Variants in TNFRSF10D observed in about 807,000 individuals in gnomAD.
TNFRSF10D encodes the protein TNF receptor superfamily member 10d.
TNFRSF10D carries 28 observed loss-of-function variants against 42.1 expected under a neutral mutation model. The observed-to-expected ratio is 0.66, with a 90% CI of 0.49 to 0.91. TNFRSF10D has a LOEUF of 0.91. TNFRSF10D is among the 40% of genes least tolerant of loss of function. The pLI is 0.00. For synonymous variants in TNFRSF10D, 186 were observed against 189.4 expected, an observed-to-expected ratio of 0.98 and a Z score of 0.15; for missense variants, 503 against 486.1, an observed-to-expected ratio of 1.03 and a Z score of -0.33.
At chr8:23,154,149 T>C (rs1452650354) in intron 2 of TNFRSF10D, among the ~76,000 whole-genome samples, 1 of 152,172 alleles carries the variant, frequency 6.6e-6, no homozygotes, top group Non-Finnish European at 1.5e-5. Flanking sequence ...ATCTCACATA[T>C]GTGGAATCTT....
intron 1 of TNFRSF10D, among the ~76,000 whole-genome samples, chr8:23,158,458 A>G (rs927197518): frequency 6.6e-6 from 1 of 152,136 alleles, no homozygotes; most frequent in African/African-American, 2.4e-5. Context: ...TCTTCCTTTT[A>G]AGGCCCATCT....
intron 7 of TNFRSF10D, among the ~76,000 whole-genome samples, chr8:23,143,507 G>A (rs918319456): frequency 1.9e-4 from 29 of 152,074 alleles, no homozygotes; most frequent in African/African-American, 6.8e-4. Flanking sequence ...GCAGCGTGGA[G>A]TAATTGTTGA....
At chr8:23,149,546 CTT>C (rs557713767) in intron 2 of TNFRSF10D, among the ~76,000 whole-genome samples, 9 of 143,036 alleles carry the variant, frequency 6.3e-5, no homozygotes, top group African/African-American at 1.3e-4. Context: ...GCCCAGTCTA[CTT>C]TTTTTTTTTT....
intron 6 of TNFRSF10D, 124 bp downstream of exon 6, chr8:23,144,934 C>A (rs756155610): frequency 7.0e-7 from 1 of 1,426,852 alleles, no homozygotes; most frequent in Non-Finnish European, 9.9e-7. Flanking sequence ...CCAGATCCCC[C>A]AGGCCATGTC....
rs117463167 is a variant in TNFRSF10D at position 23,152,194 on chromosome 8, C to A, written c.256+2680G>T. Among the ~76,000 whole-genome samples, 5 of 152,266 alleles carry A rather than the reference C, an allele frequency of 3.3e-5. No homozygotes were observed. In the East Asian group the frequency reaches 5.8e-4, roughly 18 times the overall value. On this transcript the variant is annotated intron_variant, in intron 2 of 8. Transcript: ENST00000312584. ...TAGGGAAAACACAGAGGAAGCAACA[C>A]AACAAAACACAGGAAACACAGAAGT...
In TNFRSF10D at chr8:23,137,872, A is replaced by G. The variant is rs201537177; in HGVS notation, c.1159T>C (p.Ter387ArgextTer48). The G allele has an allele frequency of 2.1e-5, 33 of 1,609,238 alleles. No individual in the cohort carries two copies. The highest frequency in any genetic ancestry group is 2.6e-5 in the Non-Finnish European group (31 of 1,178,648). Residue 387 changes from the stop codon to arginine, a stop_lost, in exon 9 of 9, where the codon TGA becomes CGA. Transcript: ENST00000312584. ...DEAGSATSCL* is the reference protein window; with the variant it reads ...DEAGSATSCLR ...TCTGGTTTCCTGAAGAGATTCTTTC[A>G]CAGGCAGGACGTAGCAGAGCCTGCC...
At chr8:23,151,110 C>T (rs903920373) in intron 2 of TNFRSF10D, among the ~76,000 whole-genome samples, 654 of 151,668 alleles carry the variant, frequency 4.3e-3, no homozygotes, top group African/African-American at 0.014. Flanking sequence ...CAAGACACAT[C>T]TTAAACAAAT....
intron 1 of TNFRSF10D, among the ~76,000 whole-genome samples, chr8:23,157,488 T>C (rs748433827): frequency 6.6e-6 from 1 of 152,196 alleles, no homozygotes; most frequent in Non-Finnish European, 1.5e-5. Flanking sequence ...TTGGTGAAAG[T>C]ATCATGAGCA....
At chr8:23,144,718 C>T (rs1800089439) in intron 6 of TNFRSF10D, 83 bp from the exon 7 acceptor site, 3 of 1,490,976 alleles carry the variant, frequency 2.0e-6, no homozygotes, top group Admixed American at 2.0e-5. Context: ...CCTGCCATCC[C>T]CAACCCCTTC....
At position 23,137,748 on chromosome 8, in the gene TNFRSF10D, C is replaced by G; in HGVS notation, c.*122G>C. The stretch of plus-strand genomic sequence containing the variant: ...GTTCTAGGACCATTGGTAAGCTGCC[C>G]CATATTGGATAGTAGAGTTTGTTGG... On this transcript the variant is annotated 3_prime_UTR_variant, in exon 9 of 9. Transcript: ENST00000312584. 7.6e-7 allele frequency: 1 copy of G among 1,321,082 alleles called. No homozygotes were observed. 81.8% of individuals were successfully genotyped at this position (1,321,082 alleles called of 1,614,324 possible).
chr8:23,149,796 C>A (rs1375751452), intron 2 of TNFRSF10D, among the ~76,000 whole-genome samples: 1 of 152,126 alleles, frequency 6.6e-6, no homozygotes, highest in South Asian at 2.1e-4. Flanking sequence ...AAATCACCAT[C>A]CCCGAGAGGC....
At chr8:23,151,941 A>G (rs759039820) in intron 2 of TNFRSF10D, among the ~76,000 whole-genome samples, 1 of 152,138 alleles carries the variant, frequency 6.6e-6, no homozygotes, top group African/African-American at 2.4e-5. Context: ...AGGAGATTTC[A>G]TCATGGATGT....
intron 2 of TNFRSF10D, among the ~76,000 whole-genome samples, chr8:23,149,388 C>G: frequency 6.6e-6 from 1 of 151,374 alleles, no homozygotes; most frequent in East Asian, 2.0e-4. Flanking sequence ...CAGGCACCCA[C>G]CACCACGCCC....
intron 4 of TNFRSF10D, 38 bp downstream of exon 4, chr8:23,146,923 T>C (rs748600021): frequency 2.6e-6 from 4 of 1,532,370 alleles, no homozygotes; most frequent in Non-Finnish European, 3.6e-6. Context: ...CTTTTCAGGT[T>C]CCTGAAAGCT....
At chr8:23,146,060 CCT>C (rs1199556864) in intron 4 of TNFRSF10D, 139 bp from the exon 5 acceptor site, 30 of 1,144,222 alleles carry the variant, frequency 2.6e-5, no homozygotes, top group Non-Finnish European at 3.7e-5. Flanking sequence ...AGTGGGTCCC[CCT>C]GTGCTCCCTT....
At chr8:23,144,768 A>T in intron 6 of TNFRSF10D, 133 bp from the exon 7 acceptor site, 1 of 1,144,906 alleles carries the variant, frequency 8.7e-7, no homozygotes, top group Non-Finnish European at 1.2e-6. Context: ...CAGCACATCC[A>T]GGACCCCATG....
At chr8:23,156,605 T>C (rs1181065455) in intron 1 of TNFRSF10D, among the ~76,000 whole-genome samples, 1 of 151,486 alleles carries the variant, frequency 6.6e-6, no homozygotes, top group African/African-American at 2.4e-5. Flanking sequence ...CCCTCTGTCA[T>C]CCAGGTTGGA....
intron 1 of TNFRSF10D, among the ~76,000 whole-genome samples, chr8:23,159,408 C>T (rs1213524452): frequency 2.6e-5 from 4 of 152,148 alleles, no homozygotes; most frequent in African/African-American, 7.2e-5. Context: ...GATGAGAAGT[C>T]GAGGCCAAGA....
chr8:23,139,430 A>G (rs2128835299), intron 7 of TNFRSF10D, among the ~76,000 whole-genome samples: 1 of 152,336 alleles, frequency 6.6e-6, no homozygotes, highest in South Asian at 2.1e-4. Context: ...TTAATTCTAA[A>G]TTTTATCTGG....
Sources: gnomAD v4.1 joint callset for allele counts (sites outside exome capture counted in the v4.1 genomes callset) on GRCh38, gnomAD v4.1.1 for gene constraint, MANE v1.5 for transcripts, NCBI Gene and HGNC (gene_info 2026-07-23, HGNC 2026-07-21) for gene names.